FMNL2: variants seen among roughly 807,000 people sequenced by gnomAD.
FMNL2 encodes the protein formin like 2, also known as formin-like protein 2.
In FMNL2, 51 loss-of-function variants were observed where a neutral mutation model predicts 130.2. The observed-to-expected ratio is 0.39, with a 90% confidence interval of 0.31 to 0.49. The LOEUF is 0.49. Ranked by LOEUF, FMNL2 falls within the 20% of genes least tolerant of loss-of-function variation. The pLI is 0.85. For synonymous variants in FMNL2, 465 were observed against 467.1 expected, an observed-to-expected ratio of 1.00 and a Z score of 0.06; for missense variants, 977 against 1,316.2, an observed-to-expected ratio of 0.74 and a Z score of 3.99.
intron 4 of FMNL2, among the ~76,000 whole-genome samples, chr2:152,553,126 C>T (rs2105552025): frequency 6.6e-6 from 1 of 152,244 alleles, no homozygotes; most frequent in South Asian, 2.1e-4. Flanking sequence ...TGTCTTCTCT[C>T]CTGCCCACCA....
At chr2:152,553,205 G>A (rs1031066849) in intron 4 of FMNL2, among the ~76,000 whole-genome samples, 15 of 152,184 alleles carry the variant, frequency 9.9e-5, no homozygotes, top group African/African-American at 3.6e-4. Context: ...GACAAAGGCT[G>A]CTTTTAACAT....
chr2:152,441,130 T>G (rs1688027869), intron 1 of FMNL2, among the ~76,000 whole-genome samples: 2 of 152,224 alleles, frequency 1.3e-5, no homozygotes, highest in Non-Finnish European at 2.9e-5. Context: ...TTGACCTTAA[T>G]TGTAATTTTA....
At chr2:152,541,851 A>C (rs1452343032) in intron 2 of FMNL2, among the ~76,000 whole-genome samples, 1 of 151,986 alleles carries the variant, frequency 6.6e-6, no homozygotes, top group Non-Finnish European at 1.5e-5. Context: ...CTAGTATACC[A>C]TTGTATGAAC....
chr2:152,407,528 T>C (rs1686050796), intron 1 of FMNL2, among the ~76,000 whole-genome samples: 1 of 152,202 alleles, frequency 6.6e-6, no homozygotes, highest in African/African-American at 2.4e-5. Flanking sequence ...TCTTTTTGTC[T>C]GCTCAGTTGT....
chr2:152,431,660 G>A lies in FMNL2; in HGVS notation c.118-90283G>A, dbSNP rs142935770. ...CAAATAGAAGAAATTAATGTGCCGC[G>A]TGTCTGTTTTAAAGATGAAATCTGA... On this transcript the variant is annotated intron_variant, in intron 1 of 25. Coordinates refer to ENST00000288670, the MANE Select transcript of FMNL2 (RefSeq NM_052905.4). Among the ~76,000 whole-genome samples the A allele has an allele frequency of 3.4e-3, 518 of 152,180 alleles. 6 individuals carry two copies. Among genetic ancestry groups the A allele is most frequent in the Middle Eastern group, 0.01 (3 of 294 alleles).
At chr2:152,433,506 G>A (rs1348679669) in intron 1 of FMNL2, among the ~76,000 whole-genome samples, 1 of 152,198 alleles carries the variant, frequency 6.6e-6, no homozygotes. Flanking sequence ...GTGAGCTTGA[G>A]AATGGGAAGT....
chr2:152,636,504 C>A lies in FMNL2; in HGVS notation c.2758C>A (p.His920Asn). The change falls in exon 22 of 26, where the codon CAT becomes AAT. Residue 920 changes from histidine (H) to asparagine (N), a missense_variant. Transcript: ENST00000288670. ...CTTGACCAAGAGAGAGTACACCATG[C>A]ATGACCATAACACGCTGCTGAAGGA... ...MDLTKREYTM[H>N]DHNTLLKEFI... The A allele has an allele frequency of 1.9e-6, 3 of 1,608,956 alleles. No homozygotes were observed. Among genetic ancestry groups the A allele is most frequent in the Non-Finnish European group, 2.5e-6 (3 of 1,177,374 alleles).
rs541588735 is a variant in FMNL2, at chr2:152,356,366, C to A, written c.117+20646C>A. 9.9e-5 allele frequency among the ~76,000 whole-genome samples: 15 copies of A among 152,274 alleles called. No homozygotes were observed. In the South Asian group the frequency reaches 1.7e-3, roughly 17 times the overall value. ...CTCGAACTCCTGACCTCAAGTGATC[C>A]ACCCACCTCAGCCTCCCAAAGTGCT... On this transcript the variant is annotated intron_variant, in intron 1 of 25. Coordinates refer to ENST00000288670, the MANE Select transcript of FMNL2 (RefSeq NM_052905.4).
chr2:152,399,508 G>T (rs994568643), intron 1 of FMNL2, among the ~76,000 whole-genome samples: 2 of 152,158 alleles, frequency 1.3e-5, no homozygotes, highest in African/African-American at 4.8e-5. Context: ...CTGAGATGGG[G>T]TGTTGGACCC....
chr2:152,460,920 A>C (rs1022453726), intron 1 of FMNL2, among the ~76,000 whole-genome samples: 2 of 152,184 alleles, frequency 1.3e-5, no homozygotes, highest in African/African-American at 4.8e-5. Context: ...ACAATGTAAT[A>C]ATAATAGAAA....
At chr2:152,597,632 CATT>C (rs1377213552) in intron 9 of FMNL2, among the ~76,000 whole-genome samples, 1 of 152,214 alleles carries the variant, frequency 6.6e-6, no homozygotes, top group African/African-American at 2.4e-5. Context: ...AGTATTCACT[CATT>C]GTTCCTTTTG....
intron 1 of FMNL2, among the ~76,000 whole-genome samples, chr2:152,360,859 G>A (rs1055417801): frequency 1.3e-5 from 2 of 152,138 alleles, no homozygotes; most frequent in African/African-American, 4.8e-5. Flanking sequence ...AACCTGGTCA[G>A]ATATAATTTA....
rs147731236 is a variant in FMNL2 at position 152,445,060 on chromosome 2, G to T, written c.118-76883G>T. ...ATAAAGATGGAAAGCATCTGCCCAG[G>T]AGTCTCCTTGAATCCCAAGTTGCAG... On this transcript the variant is annotated intron_variant, in intron 1 of 25. Transcript: ENST00000288670. Among the ~76,000 whole-genome samples the T allele has an allele frequency of 1.9e-3, 291 of 152,350 alleles. 1 individual carries two copies. Among genetic ancestry groups the T allele is most frequent in the Admixed American group, 4.0e-3 (61 of 15,298 alleles).
chr2:152,451,691 C>T (rs1363643909), intron 1 of FMNL2, among the ~76,000 whole-genome samples: 3 of 152,068 alleles, frequency 2.0e-5, no homozygotes, highest in East Asian at 1.9e-4. Flanking sequence ...CCGCTTGCTC[C>T]GGAGTCCACA....
intron 1 of FMNL2, among the ~76,000 whole-genome samples, chr2:152,506,426 T>C (rs796618753): frequency 2.0e-4 from 25 of 126,488 alleles, no homozygotes; most frequent in African/African-American, 6.0e-4. Flanking sequence ...CTAGATTACT[T>C]ATAATACCTG....
intron 1 of FMNL2, among the ~76,000 whole-genome samples, chr2:152,467,499 C>G (rs570990422): frequency 4.1e-4 from 63 of 152,316 alleles, no homozygotes; most frequent in Middle Eastern, 3.4e-3. Context: ...CGAAGGCTGA[C>G]AGAGCTTTTC....
chr2:152,390,594 C>G, intron 1 of FMNL2: 2 of 1,275,958 alleles, frequency 1.6e-6, no homozygotes, highest in Non-Finnish European at 2.3e-6. Flanking sequence ...GTTCATGGAT[C>G]AGCATCTGGA....
intron 1 of FMNL2, among the ~76,000 whole-genome samples, chr2:152,352,308 G>A (rs913980873): frequency 3.9e-5 from 6 of 152,112 alleles, no homozygotes; most frequent in Non-Finnish European, 8.8e-5. Flanking sequence ...TGGTAGCTCA[G>A]GAAACCTGAA....
chr2:152,593,624 TAAG>T (rs1285826913), intron 9 of FMNL2, among the ~76,000 whole-genome samples: 3 of 152,084 alleles, frequency 2.0e-5, no homozygotes, highest in Non-Finnish European at 2.9e-5. Flanking sequence ...ACGAGGAGAA[TAAG>T]AATCTGTTCA....
Sources: allele counts gnomAD v4.1 joint callset (sites outside exome capture counted in the v4.1 genomes callset), GRCh38; gene constraint gnomAD v4.1.1; transcripts MANE v1.5; gene names NCBI Gene and HGNC (gene_info 2026-07-23, HGNC 2026-07-21).